Variants in SPATC1 observed in about 807,000 individuals in gnomAD.
The protein encoded by SPATC1 is speriolin.
SPATC1 carries 35 observed loss-of-function variants against 36.5 expected under a neutral mutation model. The ratio of observed to expected loss-of-function variants is 0.96; its 90% CI spans 0.73 to 1.27. The LOEUF is 1.27. Ranked by LOEUF, SPATC1 falls within the 50% of genes most tolerant of loss-of-function variation. The probability of loss-of-function intolerance (pLI) is 0.00; values close to 1 mark genes in which losing one functional copy is unlikely to be tolerated. For missense variants in SPATC1, 779 were observed against 796.0 expected, an observed-to-expected ratio of 0.98 and a Z score of 0.26; for synonymous variants, 361 against 353.6, an observed-to-expected ratio of 1.02 and a Z score of -0.24.
At chr8:144,039,341 C>G (rs1834997406) in intron 1 of SPATC1, among the ~76,000 whole-genome samples, 1 of 152,226 alleles carries the variant, frequency 6.6e-6, no homozygotes, top group Non-Finnish European at 1.5e-5. Flanking sequence ...ACCTGCATCC[C>G]TGTTTAGGCC....
chr8:144,035,971 A>G (rs1044740469), intron 1 of SPATC1, among the ~76,000 whole-genome samples: 1 of 152,050 alleles, frequency 6.6e-6, no homozygotes, highest in African/African-American at 2.4e-5. Context: ...ACCTCAGCAC[A>G]TGCAGCCCAT....
Position 144,040,991 on chromosome 8 carries a change from C to T in SPATC1, c.1190C>T (p.Ala397Val). The T allele has an allele frequency of 6.2e-7, 1 of 1,612,482 alleles. No individual in the cohort carries two copies. The highest frequency in any genetic ancestry group is 8.5e-7 in the Non-Finnish European group (1 of 1,179,870). ...CCACCTCGTACCTCATCCTCCCCGGCTTCAGTCAATGACTCTCGAGGTCCA... is the reference window on the plus strand; with the variant it reads ...CCACCTCGTACCTCATCCTCCCCGGTTTCAGTCAATGACTCTCGAGGTCCA... ...HSPPRTSSSP[A>V]SVNDSRGPRT... The change falls in exon 3 of 5, where the codon GCT becomes GTT. Residue 397 changes from alanine to valine, a missense_variant. Ala to Val is a moderately conservative substitution (Grantham distance 64, BLOSUM62 0). Transcript: ENST00000377470.
At position 144,046,760 on chromosome 8, in the gene SPATC1, A is replaced by G; in HGVS notation, c.1580A>G (p.Gln527Arg). Residue 527 changes from glutamine (Q) to arginine (R), a missense_variant, in exon 5 of 5, where the codon CAG becomes CGG. Transcript: ENST00000377470. This position sits in a 1 kb window ranked among gnomAD's most constrained non-coding sequence, Gnocchi z 6.6. ...CGGGTGCACCCTGCGCTGACCGAGC[A>G]GCTGGTGAACGCTTATGGCATCCTG... ...NGRVHPALTE[Q>R]LVNAYGILRE... 4 of 1,611,654 alleles carry G rather than the reference A, an allele frequency of 2.5e-6. No individual in the cohort carries two copies. The South Asian group carries it at 3.3e-5, about 13-fold the overall frequency.
At chr8:144,033,438 A>T (rs914778955) in intron 1 of SPATC1, among the ~76,000 whole-genome samples, 13 of 152,160 alleles carry the variant, frequency 8.5e-5, no homozygotes, top group Middle Eastern at 3.2e-3. Context: ...TAAAATGCCT[A>T]TGTTTTCCTC....
At chr8:144,040,536 T>G (rs568573133) in intron 2 of SPATC1, 32 bp from the exon 3 acceptor site, 8 of 1,560,762 alleles carry the variant, frequency 5.1e-6, no homozygotes, top group Middle Eastern at 3.5e-4. Context: ...CTAATCCCCC[T>G]TTTTTTATTT....
At chr8:144,037,378 G>C (rs1249010934) in intron 1 of SPATC1, among the ~76,000 whole-genome samples, 1 of 151,874 alleles carries the variant, frequency 6.6e-6, no homozygotes, top group African/African-American at 2.4e-5. Flanking sequence ...AATAGAAAGC[G>C]GGGAAAGGTG....
chr8:144,029,594 G>A (rs1422998467), intron 1 of SPATC1, among the ~76,000 whole-genome samples: 1 of 152,086 alleles, frequency 6.6e-6, no homozygotes, highest in Non-Finnish European at 1.5e-5. Context: ...AAAATAAAGA[G>A]TGTGTTGTTT....
chr8:144,012,184 A>G (rs1251609030), upstream of SPATC1, among the ~76,000 whole-genome samples: 1 of 152,128 alleles, frequency 6.6e-6, no homozygotes, highest in East Asian at 1.9e-4. Context: ...TGCTGGGGAA[A>G]CCCAGCGGGC....
At chr8:144,020,770 A>T (rs1295216534) in intron 1 of SPATC1, among the ~76,000 whole-genome samples, 1 of 69,954 alleles carries the variant, frequency 1.4e-5, no homozygotes, top group Admixed American at 1.5e-4. Context: ...CTTAGGACCA[A>T]GCTCTTCCCT....
intron 1 of SPATC1, among the ~76,000 whole-genome samples, chr8:144,031,663 G>T (rs1166294403): frequency 1.3e-5 from 2 of 148,812 alleles, no homozygotes; most frequent in Admixed American, 6.7e-5. Flanking sequence ...ACTAAATTTA[G>T]AAAATTTTCA....
In SPATC1 at chr8:144,012,459, G is replaced by A; in HGVS notation, c.-57G>A. On this transcript the variant is annotated 5_prime_UTR_variant, in exon 1 of 5. Transcript: ENST00000377470. ...GCCCAGGCAAGGCCTGGGGCCCTGG[G>A]CAGCCTCCAGGTGCAGTGCCCTCCC... The A allele has an allele frequency of 6.7e-7, 1 of 1,489,694 alleles. No individual in the cohort carries two copies. Among genetic ancestry groups the A allele is most frequent in the Non-Finnish European group, 9.2e-7 (1 of 1,091,952 alleles). 92.3% of individuals were successfully genotyped at this position (1,489,694 alleles called of 1,614,324 possible).
rs1259979802 is a variant in SPATC1, at chr8:144,032,402, C to T, written c.212-7507C>T. Among the ~76,000 whole-genome samples, 17 of 152,226 alleles carry T rather than the reference C, an allele frequency of 1.1e-4. No individual in the cohort carries two copies. The South Asian group carries it at 1.7e-3, about 15-fold the overall frequency. On this transcript the variant is annotated intron_variant, in intron 1 of 4. Transcript: ENST00000377470. ...ACACCATTCTCCTGCCTCAGCCTCC[C>T]GAGTTGCTGGGACTAAAGGTGCCCG... is the stretch of plus-strand genomic sequence containing the variant.
At chr8:144,038,172 T>C (rs1170449074) in intron 1 of SPATC1, among the ~76,000 whole-genome samples, 3 of 141,746 alleles carry the variant, frequency 2.1e-5, no homozygotes, top group South Asian at 2.3e-4. Flanking sequence ...CAGTGGCTCA[T>C]GCCTGTAATC....
intron 1 of SPATC1, among the ~76,000 whole-genome samples, chr8:144,020,580 CT>C (rs1274883114): frequency 0.012 from 856 of 74,278 alleles, no homozygotes; most frequent in African/African-American, 0.028. Flanking sequence ...TCAGGACCTT[CT>C]CCCCTCAGAA....
At position 144,046,938 on chromosome 8, in the gene SPATC1, G is replaced by T; in HGVS notation, c.1758G>T (p.Lys586Asn). Residue 586 changes from lysine (K) to asparagine (N), a missense_variant, in exon 5 of 5, where the codon AAG becomes AAT. Transcript: ENST00000377470. The surrounding 1 kb of genome is among the most constrained non-coding windows in gnomAD (Gnocchi z 6.6). ...CLSQLAHDDG[K>N]PMFIW ...GCCAGCTGGCGCACGATGACGGCAA[G>T]CCCATGTTCATCTGGTGACGCTGGA... 1.3e-6 allele frequency: 2 copies of T among 1,597,412 alleles called. No homozygotes were observed. Among genetic ancestry groups the T allele is most frequent in the Non-Finnish European group, 1.7e-6 (2 of 1,178,994 alleles).
chr8:144,027,803 G>A (rs1385720922), intron 1 of SPATC1, among the ~76,000 whole-genome samples: 1 of 152,156 alleles, frequency 6.6e-6, no homozygotes, highest in South Asian at 2.1e-4. Context: ...GACCAGCCTG[G>A]CCAACATGGT....
In SPATC1 at chr8:144,040,274, G is replaced by C. The variant is rs370576385; in HGVS notation, c.577G>C (p.Val193Leu). 6.2e-7 allele frequency: 1 copy of C among 1,612,656 alleles called. No individual in the cohort carries two copies. The highest frequency in any genetic ancestry group is 1.3e-5 in the African/African-American group (1 of 74,918). Reference sequence around the variant, plus strand: ...AGCCCCTGTGATGGGCACGGTGGCTGTCTCTCTGAGCAGCCCCCTCCTCAG... The same window carrying C: ...AGCCCCTGTGATGGGCACGGTGGCTCTCTCTCTGAGCAGCCCCCTCCTCAG... ...LIAPVMGTVA[V>L]SLSSPLLSST... Residue 193 changes from valine to leucine, a missense_variant, in exon 2 of 5, where the codon GTC (valine) becomes CTC (leucine). Coordinates refer to ENST00000377470, the MANE Select transcript of SPATC1 (RefSeq NM_198572.3).
intron 1 of SPATC1, among the ~76,000 whole-genome samples, chr8:144,035,604 G>A (rs1262762322): frequency 6.6e-6 from 1 of 152,214 alleles, no homozygotes; most frequent in Non-Finnish European, 1.5e-5. Flanking sequence ...CAACTTGGTC[G>A]AAAAACAGAC....
At chr8:144,025,750 G>T (rs957604636) in intron 1 of SPATC1, among the ~76,000 whole-genome samples, 2 of 152,240 alleles carry the variant, frequency 1.3e-5, no homozygotes, top group African/African-American at 4.8e-5. Flanking sequence ...ATTCTGATGG[G>T]TCGTAGACTG....
Sources: allele counts gnomAD v4.1 joint callset (sites outside exome capture counted in the v4.1 genomes callset), GRCh38; gene constraint gnomAD v4.1.1; non-coding constraint Gnocchi (gnomAD v3.1); transcripts MANE v1.5; gene names NCBI Gene and HGNC (gene_info 2026-07-23, HGNC 2026-07-21).